Variants in MPHOSPH9 observed in about 807,000 individuals in gnomAD.
MPHOSPH9 encodes M-phase phosphoprotein 9.
A neutral mutation model predicts 145.5 loss-of-function variants in MPHOSPH9; 88 were observed. The observed-to-expected ratio is 0.60, with a 90% CI of 0.51 to 0.72. The LOEUF (loss-of-function observed/expected upper bound fraction) is 0.72. Ranked by LOEUF, MPHOSPH9 falls within the 30% of genes least tolerant of loss-of-function variation. MPHOSPH9 has a pLI of 0.00. For missense variants in MPHOSPH9, 1,238 were observed against 1,386.6 expected (o/e 0.89, Z 1.70); for synonymous variants, 435 against 486.2 (o/e 0.89, Z 1.39).
Position 123,161,233 on chromosome 12 carries a change from A to T in MPHOSPH9, c.3284T>A (p.Val1095Asp). ...TTCAAAATCATTCCCCTGTGGAGTG[A>T]CTGAAACCGGCTTACACTGTTCGTA... is the stretch of plus-strand genomic sequence containing the variant. ...VSYEQCKPVSVTPQGNDFEYT... is the reference protein window; with the variant it reads ...VSYEQCKPVSDTPQGNDFEYT... The change falls in exon 22 of 24, where the codon GTC (valine) becomes GAC (aspartate). Residue 1095 changes from valine (V) to aspartate (D), a missense_variant. This residue lies in a region of MPHOSPH9 where 393 missense variants were observed against 462.5 expected (regional missense o/e 0.85). Transcript: ENST00000606320. The T allele has an allele frequency of 6.2e-7, 1 of 1,614,128 alleles. No homozygotes were observed.
intron 13 of MPHOSPH9, among the ~76,000 whole-genome samples, chr12:123,186,763 T>A (rs1716156): frequency 6.6e-6 from 1 of 151,882 alleles, no homozygotes; most frequent in East Asian, 1.9e-4. Flanking sequence ...GATTTCGAGG[T>A]CAGCCTGGCC....
intron 13 of MPHOSPH9, among the ~76,000 whole-genome samples, chr12:123,183,012 A>G (rs1168518842): frequency 5.3e-5 from 8 of 150,330 alleles, no homozygotes; most frequent in East Asian, 4.0e-4. Context: ...TCAGGAGTTC[A>G]AGACCAGCCT....
chr12:123,210,008 T>C, intron 8 of MPHOSPH9, 48 bp downstream of exon 8: 1 of 1,367,756 alleles, frequency 7.3e-7, no homozygotes, highest in Non-Finnish European at 1.0e-6. Flanking sequence ...AGCGCTGGGA[T>C]TACAGGCGTA....
At chr12:123,157,278 T>C (rs2043906427) in intron 23 of MPHOSPH9, among the ~76,000 whole-genome samples, 1 of 151,992 alleles carries the variant, frequency 6.6e-6, no homozygotes, top group Admixed American at 6.6e-5. Flanking sequence ...ATGGACACAT[T>C]TGATCAGTGC....
chr12:123,183,074 AT>A (rs2045264314), intron 13 of MPHOSPH9, among the ~76,000 whole-genome samples: 1 of 151,844 alleles, frequency 6.6e-6, no homozygotes, highest in Non-Finnish European at 1.5e-5. Flanking sequence ...AAAAATAAAA[AT>A]AAATAAATAT....
chr12:123,169,662 G>A (rs184596886), intron 16 of MPHOSPH9, among the ~76,000 whole-genome samples: 11 of 147,418 alleles, frequency 7.5e-5, no homozygotes, highest in East Asian at 4.2e-4. Context: ...GTGCAGTGGC[G>A]TGATCTCAGC....
At chr12:123,176,961 G>T (rs1177387440) in intron 15 of MPHOSPH9, among the ~76,000 whole-genome samples, 172 bp from the exon 16 acceptor site, 1 of 152,000 alleles carries the variant, frequency 6.6e-6, no homozygotes, top group African/African-American at 2.4e-5. Flanking sequence ...GGAGGCGGAG[G>T]CAGGTGGATC....
intron 23 of MPHOSPH9, among the ~76,000 whole-genome samples, chr12:123,158,427 G>T (rs1593051025): frequency 6.6e-6 from 1 of 152,142 alleles, no homozygotes; most frequent in Non-Finnish European, 1.5e-5. Flanking sequence ...ACACTGCAAG[G>T]CCCTGCCTCT....
At chr12:123,224,506 A>T (rs545236350) in intron 3 of MPHOSPH9, among the ~76,000 whole-genome samples, 1 of 151,964 alleles carries the variant, frequency 6.6e-6, no homozygotes, top group East Asian at 1.9e-4. Context: ...CCTGACCTCA[A>T]GTGATCCACC....
At chr12:123,228,829 G>A (rs2047528951) in intron 2 of MPHOSPH9, among the ~76,000 whole-genome samples, 1 of 152,188 alleles carries the variant, frequency 6.6e-6, no homozygotes, top group Non-Finnish European at 1.5e-5. Context: ...TCACTAGCAA[G>A]GCACAGTTAG....
chr12:123,211,135 C>T (rs773041291), intron 7 of MPHOSPH9, among the ~76,000 whole-genome samples: 8 of 152,054 alleles, frequency 5.3e-5, no homozygotes, highest in African/African-American at 1.4e-4. Context: ...CAGGAATGCA[C>T]CATCACGCCC....
chr12:123,236,613 G>A (rs910246919), upstream of MPHOSPH9, among the ~76,000 whole-genome samples: 1 of 151,586 alleles, frequency 6.6e-6, no homozygotes, highest in Non-Finnish European at 1.5e-5. Flanking sequence ...AAAAGAAGAA[G>A]AAACTGCTTT....
intron 19 of MPHOSPH9, chr12:123,163,527 A>G (rs1226664138): frequency 5.1e-6 from 1 of 197,448 alleles, no homozygotes; most frequent in Admixed American, 5.6e-5. Flanking sequence ...CCAACCTGTT[A>G]TTGGCTAAAG....
intron 8 of MPHOSPH9, among the ~76,000 whole-genome samples, chr12:123,207,859 A>G (rs2046507280): frequency 1.4e-5 from 1 of 69,754 alleles, no homozygotes; most frequent in Non-Finnish European, 3.0e-5. Context: ...CCTCAAAGAA[A>G]AAAAAAAAAG....
At chr12:123,210,977 C>CTTTTTT (rs907442708) in intron 7 of MPHOSPH9, among the ~76,000 whole-genome samples, 2 of 89,786 alleles carry the variant, frequency 2.2e-5, no homozygotes, top group Non-Finnish European at 4.2e-5. Context: ...TTTGTTTTTT[C>CTTTTTT]TTTTTTTTTT....
At chr12:123,220,760 GA>G (rs201896039) in intron 5 of MPHOSPH9, among the ~76,000 whole-genome samples, 7 of 149,038 alleles carry the variant, frequency 4.7e-5, no homozygotes, top group Admixed American at 6.7e-5. Flanking sequence ...CCACCTTTAA[GA>G]AAAAAAAATT....
chr12:123,223,028 G>A lies in MPHOSPH9; in HGVS notation c.348+10C>T. On this transcript the variant is annotated intron_variant, in intron 4 of 23. Transcript: ENST00000606320. ...TATAAAAAAAGGAATCAATGTAAAT[G>A]GTAACTTACTTGAATTTGGTTGTGG... 6.7e-7 allele frequency: 1 copy of A among 1,496,722 alleles called. No individual in the cohort carries two copies. The highest frequency in any genetic ancestry group is 1.7e-4 in the Middle Eastern group (1 of 5,870). 92.7% of individuals were successfully genotyped at this position (1,496,722 alleles called of 1,614,324 possible). A position where few individuals can be genotyped will look rare whatever the true frequency, so the allele number is the denominator to read the frequency against.
rs1271301979 is a variant in MPHOSPH9 at position 123,159,414 on chromosome 12, C to T, written c.3450+1367G>A. Among the ~76,000 whole-genome samples the T allele has an allele frequency of 1.3e-5, 2 of 151,904 alleles. No homozygotes were observed. The highest frequency in any genetic ancestry group is 4.8e-5 in the African/African-American group (2 of 41,366). On this transcript the variant is annotated intron_variant, in intron 23 of 23. Transcript: ENST00000606320. This position sits in a 1 kb window ranked among gnomAD's most constrained non-coding sequence, Gnocchi z 4.3. ...TCCTGACCTCGTGATCCGCCCACCT[C>T]GGCCTCCCAAAGTGCTGGGATTACA...
intron 13 of MPHOSPH9, among the ~76,000 whole-genome samples, chr12:123,183,600 G>A (rs2045305125): frequency 6.6e-6 from 1 of 151,608 alleles, no homozygotes; most frequent in South Asian, 2.1e-4. Flanking sequence ...TTAGCAGGGT[G>A]GAAGTGGATA....
Sources: gnomAD v4.1 joint callset for allele counts (sites outside exome capture counted in the v4.1 genomes callset) on GRCh38, gnomAD v4.1.1 for gene constraint, gnomAD v4.1.1 regional missense constraint, Gnocchi (gnomAD v3.1) non-coding constraint, MANE v1.5 for transcripts, NCBI Gene and HGNC (gene_info 2026-07-23, HGNC 2026-07-21) for gene names.